The following EIF4A1 variants were observed in gnomAD, a reference collection of about 807,000 sequenced individuals.
EIF4A1 encodes eukaryotic initiation factor 4A-I.
Under a neutral mutation model 53.5 loss-of-function variants are expected in EIF4A1, and 11 were observed. That is an observed-to-expected ratio of 0.21 (90% CI 0.13 to 0.34). The LOEUF is 0.34. Among genes scored for constraint, EIF4A1 ranks in the 10% least tolerant of loss-of-function variants. The pLI is 1.00. For missense variants in EIF4A1, 213 were observed against 530.8 expected, an observed-to-expected ratio of 0.40 and a Z score of 5.88; for synonymous variants, 237 against 186.7, an observed-to-expected ratio of 1.27 and a Z score of -2.20.
In EIF4A1 at chr17:7,576,575, G is replaced by A. The variant is rs148339522; in HGVS notation, c.397G>A (p.Ala133Thr). ...AGACTACATGGGCGCCTCCTGTCACGCCTGTATCGGGGGCACCAACGTGCG... is the reference window on the plus strand; with the variant it reads ...AGACTACATGGGCGCCTCCTGTCACACCTGTATCGGGGGCACCAACGTGCG... ...LGDYMGASCH[A>T]CIGGTNVRAE... The change falls in exon 5 of 11, where the codon GCC (alanine) becomes ACC (threonine). Residue 133 changes from alanine to threonine, a missense_variant. Ala to Thr is a moderately conservative substitution (Grantham distance 58). Coordinates refer to ENST00000293831, the MANE Select transcript of EIF4A1 (RefSeq NM_001416.4). 12 of 1,613,228 alleles carry A rather than the reference G, an allele frequency of 7.4e-6. No homozygotes were observed. Among genetic ancestry groups the A allele is most frequent in the Non-Finnish European group, 1.0e-5 (12 of 1,179,658 alleles).
chr17:7,574,798 G>T, intron 3 of EIF4A1, 120 bp downstream of exon 3: 1 of 1,548,738 alleles, frequency 6.5e-7, no homozygotes, highest in Non-Finnish European at 8.8e-7. Context: ...GTTCATCCCA[G>T]CTTGGCTTTT....
At chr17:7,574,739 C>A (rs2071377301) in intron 3 of EIF4A1, 61 bp downstream of exon 3, 1 of 1,607,488 alleles carries the variant, frequency 6.2e-7, no homozygotes, top group East Asian at 2.2e-5. Context: ...AGAGTGGCAT[C>A]TGGTTGGTGA....
rs1439780846 is a variant in EIF4A1 at position 7,575,261 on chromosome 17, A to G, written c.345+3A>G. ...CCACTCGAGAATTGGCTCAGCAGGT[A>G]AGAGTGGCTTCTATTCCCTCCTTCA... On this transcript the variant is annotated splice_donor_region_variant and intron_variant, in intron 4 of 10. Transcript: ENST00000293831. 3 of 1,613,950 alleles carry G rather than the reference A, an allele frequency of 1.9e-6. No individual in the cohort carries two copies. The highest frequency in any genetic ancestry group is 2.2e-5 in the East Asian group (1 of 44,890).
At chr17:7,576,211 G>A in intron 4 of EIF4A1, 1 of 236,442 alleles carries the variant, frequency 4.2e-6, no homozygotes, top group Non-Finnish European at 8.1e-6. Context: ...GAGGCAGTTG[G>A]TCAAATTAGT....
At chr17:7,576,221 T>C in intron 4 of EIF4A1, 1 of 255,774 alleles carries the variant, frequency 3.9e-6, no homozygotes. Context: ...GTCAAATTAG[T>C]TTTCAGAAGG....
At chr17:7,574,906 C>T (rs910772130) in intron 3 of EIF4A1, 10 of 1,022,478 alleles carry the variant, frequency 9.8e-6, no homozygotes, top group African/African-American at 1.6e-5. Context: ...AGCCATGTTT[C>T]TAGTCCAGCT....
In EIF4A1 at chr17:7,576,617, C is replaced by T. The variant is rs2071405077; in HGVS notation, c.439C>T (p.Leu147=). Residue 147 remains leucine (L), a synonymous_variant, in exon 5 of 11, where the codon CTG becomes TTG. Transcript: ENST00000293831. ...CAACGTGCGTGCTGAGGTGCAGAAA[C>T]TGCAGATGGAAGCTCCCCACATCAT... is the stretch of plus-strand genomic sequence containing the variant. ...GTNVRAEVQK[L]QMEAPHIIVG... is the part of the protein sequence containing the mutation. 1.2e-6 allele frequency: 2 copies of T among 1,614,122 alleles called. No homozygotes were observed. The highest frequency in any genetic ancestry group is 1.7e-6 in the Non-Finnish European group (2 of 1,180,000).
intron 1 of EIF4A1, 117 bp downstream of exon 1, chr17:7,572,981 G>T (rs891138536): frequency 7.9e-5 from 125 of 1,587,884 alleles, no homozygotes; most frequent in Non-Finnish European, 1.0e-4. Flanking sequence ...AACCGGGTGG[G>T]GGGAGGGTCC....
intron 4 of EIF4A1, chr17:7,575,783 C>T (rs2071392969): frequency 4.4e-6 from 1 of 226,248 alleles, no homozygotes; most frequent in Non-Finnish European, 9.0e-6. Flanking sequence ...TTCTAAGGCA[C>T]TTGGCTCTCA....
rs557979772 is a variant in EIF4A1 at position 7,578,294 on chromosome 17, C to T, written c.1077-48C>T. On this transcript the variant is annotated intron_variant, in intron 10 of 10. Coordinates refer to ENST00000293831, the MANE Select transcript of EIF4A1 (RefSeq NM_001416.4). ...CCTACCCCTTCACACCTGGCCCTCC[C>T]TGGGCTTAAAGCTCCTGATATTCCT... 34 of 1,610,744 alleles carry T rather than the reference C, an allele frequency of 2.1e-5. 1 individual carries two copies. In the South Asian group the frequency reaches 3.5e-4, roughly 17 times the overall value.
At chr17:7,573,094 C>G (rs572866292) in intron 1 of EIF4A1, 50 of 665,258 alleles carry the variant, frequency 7.5e-5, no homozygotes, top group African/African-American at 6.5e-4. Flanking sequence ...AGGTCTGTTA[C>G]GAGGCCTCGA....
At chr17:7,576,967 C>T (rs755456549) in intron 5 of EIF4A1, 89 bp from the exon 6 acceptor site, 2 of 1,503,678 alleles carry the variant, frequency 1.3e-6, no homozygotes, top group Non-Finnish European at 9.2e-7. Flanking sequence ...TACTTGGCTC[C>T]TCTCTGTTTT....
At chr17:7,573,923 G>C in intron 1 of EIF4A1, 1 of 300,020 alleles carries the variant, frequency 3.3e-6, no homozygotes, top group Middle Eastern at 9.5e-4. Flanking sequence ...AGGTGCACGC[G>C]CTTGGGCTTT....
At chr17:7,574,480 C>G in intron 2 of EIF4A1, 66 bp from the exon 3 acceptor site, 1 of 1,605,796 alleles carries the variant, frequency 6.2e-7, no homozygotes, top group Middle Eastern at 1.7e-4. Flanking sequence ...ATTCTGTTTG[C>G]TCGGAGACTA....
chr17:7,575,501 T>TC (rs2071388283), intron 4 of EIF4A1: 2 of 633,388 alleles, frequency 3.2e-6, no homozygotes, highest in Non-Finnish European at 5.6e-6. Flanking sequence ...TGGGCAAGTT[T>TC]GACTGTGTTC....
rs373924446 is a variant in EIF4A1, at chr17:7,576,389, T to A, written c.346-135T>A. 5.3e-5 allele frequency: 63 copies of A among 1,194,992 alleles called. 1 individual carries two copies. In the East Asian group the frequency reaches 1.1e-3, roughly 20 times the overall value. 74.0% of individuals were successfully genotyped at this position (1,194,992 alleles called of 1,614,324 possible). A position where few individuals can be genotyped will look rare whatever the true frequency, so the allele number is the denominator to read the frequency against. On this transcript the variant is annotated intron_variant, in intron 4 of 10. Transcript: ENST00000293831. ...AAGTGGATTTTAGCCTCTGCCTGTT[T>A]CTCAGCTGAATGTGAGTTTAATAAT...
chr17:7,575,168 A>G lies in EIF4A1; in HGVS notation c.255A>G (p.Thr85=), dbSNP rs1420564772. Residue 85 remains threonine (T), a synonymous_variant, in exon 4 of 11, where the codon ACA becomes ACG. Transcript: ENST00000293831. ...AATCTGGGACTGGGAAAACGGCCAC[A>G]TTTGCCATATCGATTCTGCAGCAGA... ...QAQSGTGKTA[T]FAISILQQIE... is the part of the protein sequence containing the mutation. 6.2e-7 allele frequency: 1 copy of G among 1,612,744 alleles called. No homozygotes were observed. The highest frequency in any genetic ancestry group is 8.5e-7 in the Non-Finnish European group (1 of 1,180,024).
intron 3 of EIF4A1, 126 bp from the exon 4 acceptor site, chr17:7,574,993 G>A: frequency 7.5e-7 from 1 of 1,328,732 alleles, no homozygotes; most frequent in Non-Finnish European, 1.1e-6. Context: ...GTGTTGATTG[G>A]GAAGGTAGTT....
intron 1 of EIF4A1, chr17:7,573,322 A>G: frequency 4.3e-6 from 1 of 229,902 alleles, no homozygotes; most frequent in Non-Finnish European, 8.7e-6. Context: ...CCTTAGATCC[A>G]GTCACTTCGT....
Sources: allele counts gnomAD v4.1 joint callset, GRCh38; gene constraint gnomAD v4.1.1; transcripts MANE v1.5; gene names NCBI Gene and HGNC (gene_info 2026-07-23, HGNC 2026-07-21).